Variants in PIGG observed in about 807,000 individuals in gnomAD.
PIGG encodes the protein phosphatidylinositol glycan anchor biosynthesis class G (EMM blood group).
Under a neutral mutation model 83.2 loss-of-function variants are expected in PIGG, and 70 were observed. That is an observed-to-expected ratio of 0.84 (90% CI 0.69 to 1.03). The LOEUF is 1.03. Ranked by LOEUF, PIGG falls within the 50% of genes least tolerant of loss-of-function variation. The pLI, the probability that PIGG is intolerant of heterozygous loss-of-function variation, is 0.00. For missense variants in PIGG, 1,257 were observed against 1,233.6 expected (o/e 1.02, Z -0.28); for synonymous variants, 532 against 519.5 (o/e 1.02, Z -0.33).
intron 8 of PIGG, chr4:522,272 C>G (rs988097240): frequency 1.8e-6 from 1 of 555,356 alleles, no homozygotes; most frequent in Non-Finnish European, 3.2e-6. Context: ...GTGTGTGAAT[C>G]GGACAGCCTC....
chr4:536,375 A>G (rs1730616696), intron 12 of PIGG: 1 of 152,178 alleles, frequency 6.6e-6, no homozygotes, highest in African/African-American at 2.4e-5. Flanking sequence ...GACGCTTGAC[A>G]CGCCCACTTT....
In PIGG at chr4:503,682, A is replaced by G. The variant is rs534422447; in HGVS notation, c.361-2036A>G. On this transcript the variant is annotated intron_variant, in intron 2 of 12. Coordinates refer to ENST00000453061, the MANE Select transcript of PIGG (RefSeq NM_001127178.3). ...TAAATACGTTATTGTACAGCTACAC[A>G]CTGGAATGCTCTGTAGCTGTTTGGA... Among the ~76,000 whole-genome samples, 108 of 152,324 alleles carry G rather than the reference A, an allele frequency of 7.1e-4. 1 individual carries two copies. Among genetic ancestry groups the G allele is most frequent in the African/African-American group, 2.5e-3 (102 of 41,576 alleles).
intron 8 of PIGG, 154 bp downstream of exon 8, chr4:522,095 C>A: frequency 1.3e-6 from 1 of 765,660 alleles, no homozygotes; most frequent in Non-Finnish European, 2.2e-6. Context: ...CAGGGAAGGA[C>A]GTGGAGCAGC....
rs1731648895 is a variant in PIGG, at chr4:540,030, G to A, written c.*661G>A. The A allele has an allele frequency of 1.3e-5, 2 of 152,356 alleles. No homozygotes were observed. Among genetic ancestry groups the A allele is most frequent in the African/African-American group, 4.8e-5 (2 of 41,568 alleles). 9.4% of individuals were successfully genotyped at this position (152,356 alleles called of 1,614,324 possible). The stretch of plus-strand genomic sequence containing the variant: ...AAACTTCAAAAAATTAGCTGGGCGT[G>A]ATGGCACACACCTGTGGTCCCAGCT... On this transcript the variant is annotated 3_prime_UTR_variant, in exon 13 of 13. Transcript: ENST00000453061.
rs183780607 is a variant in PIGG at position 528,537 on chromosome 4, C to A, written c.2261+1307C>A. On this transcript the variant is annotated intron_variant, in intron 10 of 12. Coordinates refer to ENST00000453061, the MANE Select transcript of PIGG (RefSeq NM_001127178.3). This position sits in a 1 kb window ranked among gnomAD's most constrained non-coding sequence, Gnocchi z 4.8. ...CTGAGGCAGTGAGAGTGTAGCAGGC[C>A]GTCATACGGGGCCGGGGCCTGGGGC... 5.1e-6 allele frequency: 5 copies of A among 985,178 alleles called. No individual in the cohort carries two copies. In the African/African-American group the frequency reaches 8.7e-5, roughly 17 times the overall value. 61.0% of individuals were successfully genotyped at this position (985,178 alleles called of 1,614,324 possible). A position where few individuals can be genotyped will look rare whatever the true frequency, so the allele number is the denominator to read the frequency against.
intron 2 of PIGG, among the ~76,000 whole-genome samples, chr4:502,710 G>T (rs1577001596): frequency 6.6e-6 from 1 of 152,050 alleles, no homozygotes; most frequent in Non-Finnish European, 1.5e-5. Flanking sequence ...TGGGATGAGG[G>T]GATGCCAAGT....
intron 2 of PIGG, 60 bp downstream of exon 2, chr4:500,661 G>T (rs1717341804): frequency 3.8e-6 from 4 of 1,043,066 alleles, no homozygotes; most frequent in Admixed American, 3.6e-5. Context: ...TTTAGAGGGG[G>T]TCTCTGTAGT....
intron 5 of PIGG, among the ~76,000 whole-genome samples, chr4:512,547 G>A (rs1312344890): frequency 1.8e-4 from 27 of 151,926 alleles, no homozygotes; most frequent in Admixed American, 3.3e-4. Context: ...GGCCTGGCAC[G>A]GTGGCTCATT....
Position 508,831 on chromosome 4 carries a change from G to C in PIGG, c.762G>C (p.Glu254Asp), listed in dbSNP as rs782615666. The change falls in exon 5 of 13, where the codon GAG (glutamate) becomes GAC (aspartate). Residue 254 changes from glutamate to aspartate, a missense_variant and splice_region_variant. Glu to Asp is a conservative substitution (Grantham distance 45). Transcript: ENST00000453061. ...AATGTTTTTCCTTTGCCTTAAAGGAGAGAGAGACGCCTTTACCCAATTTGC... is the reference window on the plus strand; with the variant it reads ...AATGTTTTTCCTTTGCCTTAAAGGACAGAGAGACGCCTTTACCCAATTTGC... ...MKIHTSLQSK[E>D]RETPLPNLLV... 14 of 1,613,884 alleles carry C rather than the reference G, an allele frequency of 8.7e-6. 1 individual carries two copies. The South Asian group carries it at 1.5e-4, about 18-fold the overall frequency.
intron 4 of PIGG, 130 bp downstream of exon 4, chr4:507,723 G>A (rs970192384): frequency 3.4e-5 from 26 of 761,986 alleles, no homozygotes; most frequent in East Asian, 8.2e-5. Flanking sequence ...GCCAGGGGCC[G>A]CATGCCACAC....
In PIGG at chr4:528,578, G is replaced by C; in HGVS notation, c.2261+1348G>C. On this transcript the variant is annotated intron_variant, in intron 10 of 12. Coordinates refer to ENST00000453061, the MANE Select transcript of PIGG (RefSeq NM_001127178.3). This position sits in a 1 kb window ranked among gnomAD's most constrained non-coding sequence, Gnocchi z 4.8. ...GGCCTGGGGCAGAGAGGATGCTGAC[G>C]TGCAGGTACCAGCGGTGTTCTGTGG... 2.0e-6 allele frequency: 2 copies of C among 985,398 alleles called. No individual in the cohort carries two copies. Among genetic ancestry groups the C allele is most frequent in the African/African-American group, 1.7e-5 (1 of 57,350 alleles). 61.0% of individuals were successfully genotyped at this position (985,398 alleles called of 1,614,324 possible).
rs1731549171 is a variant in PIGG, at chr4:539,434, A to G, written c.*65A>G. 1.0e-6 allele frequency: 1 copy of G among 1,002,738 alleles called. No individual in the cohort carries two copies. The highest frequency in any genetic ancestry group is 2.2e-5 in the Admixed American group (1 of 44,516). 62.1% of individuals were successfully genotyped at this position (1,002,738 alleles called of 1,614,324 possible). A position where few individuals can be genotyped will look rare whatever the true frequency, so the allele number is the denominator to read the frequency against. ...CTGCTGTTATTCTAAAATGAAAGAT[A>G]TGAATTCAACAAAGTTGATGGATAA... On this transcript the variant is annotated 3_prime_UTR_variant, in exon 13 of 13. Coordinates refer to ENST00000453061, the MANE Select transcript of PIGG (RefSeq NM_001127178.3).
At chr4:500,172 A>T in intron 1 of PIGG, 1 of 570,152 alleles carries the variant, frequency 1.8e-6, no homozygotes, top group Non-Finnish European at 3.1e-6. Flanking sequence ...CATACTGAGG[A>T]TAATTCACTG....
intron 2 of PIGG, chr4:501,258 T>C (rs1553875773): frequency 2.4e-6 from 1 of 412,642 alleles, no homozygotes; most frequent in East Asian, 7.2e-5. Context: ...AAAAATAGTA[T>C]CTCTGCCTTC....
chr4:528,827 G>C lies in PIGG; in HGVS notation c.2261+1597G>C. The C allele has an allele frequency of 1.5e-6, 1 of 649,238 alleles. No individual in the cohort carries two copies. The highest frequency in any genetic ancestry group is 1.9e-6 in the Non-Finnish European group (1 of 522,822). The allele number at this position is 649,238 out of a possible 1,614,324, so 40.2% of individuals were successfully genotyped here. A position where few individuals can be genotyped will look rare whatever the true frequency, so the allele number is the denominator to read the frequency against. On this transcript the variant is annotated intron_variant, in intron 10 of 12. Transcript: ENST00000453061. This position sits in a 1 kb window ranked among gnomAD's most constrained non-coding sequence, Gnocchi z 4.8. ...ATTTGCTAGTGTCCAGAACTAGCCA[G>C]TGTGCCTTTTCTTTCCACACGCACT...
At chr4:514,812 G>T (rs1458501957) in intron 5 of PIGG, among the ~76,000 whole-genome samples, 1 of 152,162 alleles carries the variant, frequency 6.6e-6, no homozygotes, top group Non-Finnish European at 1.5e-5. Context: ...TCCCGCAATA[G>T]ACACGCAACA....
rs137930185 is a variant in PIGG, at chr4:509,669, G to A, written c.901+699G>A. Among the ~76,000 whole-genome samples the A allele has an allele frequency of 7.6e-3, 1,157 of 152,332 alleles. 9 individuals carry two copies. Among genetic ancestry groups the A allele is most frequent in the Non-Finnish European group, 0.011 (775 of 68,026 alleles). ...AGTGCTGCTGGTCCCGTAGCTTCTG[G>A]GACCTCACATCTTTCTGGTTTTCCT... On this transcript the variant is annotated intron_variant, in intron 5 of 12. Coordinates refer to ENST00000453061, the MANE Select transcript of PIGG (RefSeq NM_001127178.3).
intron 5 of PIGG, among the ~76,000 whole-genome samples, chr4:510,959 G>A (rs1282011087): frequency 6.6e-6 from 1 of 151,926 alleles, no homozygotes; most frequent in Non-Finnish European, 1.5e-5. Context: ...TTTCATGTAG[G>A]ATAGTGTTTT....
Position 515,466 on chromosome 4 carries a change from C to T in PIGG, c.902-507C>T, listed in dbSNP as rs992660339. 3.9e-5 allele frequency among the ~76,000 whole-genome samples: 6 copies of T among 152,222 alleles called. No individual in the cohort carries two copies. The highest frequency in any genetic ancestry group is 1.9e-4 in the East Asian group (1 of 5,194). Reference sequence around the variant, plus strand: ...GCCCAGCTGAACCTGCCTCATTCTGCGCTCCCCTATAGAAGCACCCACAGC... The same window carrying T: ...GCCCAGCTGAACCTGCCTCATTCTGTGCTCCCCTATAGAAGCACCCACAGC... On this transcript the variant is annotated intron_variant, in intron 5 of 12. Transcript: ENST00000453061. The surrounding 1 kb of genome is among the most constrained non-coding windows in gnomAD (Gnocchi z 4.2).
Sources: allele counts gnomAD v4.1 joint callset (sites outside exome capture counted in the v4.1 genomes callset), GRCh38; gene constraint gnomAD v4.1.1; non-coding constraint Gnocchi (gnomAD v3.1); transcripts MANE v1.5; gene names NCBI Gene and HGNC (gene_info 2026-07-23, HGNC 2026-07-21).